The following FHAD1 variants were observed in gnomAD, a reference collection of about 807,000 sequenced individuals.
FHAD1 encodes the protein forkhead-associated domain-containing protein 1.
In FHAD1, 146 loss-of-function variants were observed where a neutral mutation model predicts 191.3. The observed-to-expected ratio is 0.76, with a 90% CI of 0.67 to 0.88. The LOEUF is 0.88. Ranked by LOEUF, FHAD1 falls within the 40% of genes least tolerant of loss-of-function variation. FHAD1 has a pLI of 0.00. For synonymous variants in FHAD1, 616 were observed against 672.3 expected (o/e 0.92, Z 1.29); for missense variants, 1,635 against 1,785.8 (o/e 0.92, Z 1.52).
intron 14 of FHAD1, among the ~76,000 whole-genome samples, chr1:15,337,412 C>T (rs548263341): frequency 3.9e-5 from 6 of 152,178 alleles, no homozygotes; most frequent in Non-Finnish European, 5.9e-5. Flanking sequence ...TCACTTCTCC[C>T]ACCCTCAGTT....
At chr1:15,277,254 G>GTGCCCATA (rs1658736531) in intron 3 of FHAD1, among the ~76,000 whole-genome samples, 1 of 152,202 alleles carries the variant, frequency 6.6e-6, no homozygotes, top group African/African-American at 2.4e-5. Flanking sequence ...AACATAAAGA[G>GTGCCCATA]TGCCCATATG....
rs1462821736 is a variant in FHAD1 at position 15,358,092 on chromosome 1, A to T, written c.2563-18A>T. 1 of 1,485,176 alleles carries T rather than the reference A, an allele frequency of 6.7e-7. No homozygotes were observed. Among genetic ancestry groups the T allele is most frequent in the East Asian group, 2.5e-5 (1 of 39,794 alleles). 92.0% of individuals were successfully genotyped at this position (1,485,176 alleles called of 1,614,324 possible). A position where few individuals can be genotyped will look rare whatever the true frequency, so the allele number is the denominator to read the frequency against. On this transcript the variant is annotated intron_variant, in intron 20 of 33. Coordinates refer to ENST00000688493, the MANE Select transcript of FHAD1 (RefSeq NM_001391957.1). Reference sequence around the variant, plus strand: ...ATTCCTGAATGTCTGTTATTTTGCTACTTGTTTTTTTGTCTAGGAATTAGA... The same window carrying T: ...ATTCCTGAATGTCTGTTATTTTGCTTCTTGTTTTTTTGTCTAGGAATTAGA...
At chr1:15,308,218 G>A (rs1480259156) in intron 6 of FHAD1, among the ~76,000 whole-genome samples, 2 of 152,226 alleles carry the variant, frequency 1.3e-5, no homozygotes, top group African/African-American at 4.8e-5. Context: ...TCATTTGAGG[G>A]AATTAATTTT....
intron 8 of FHAD1, chr1:15,314,990 G>A (rs890691273): frequency 3.3e-5 from 5 of 151,834 alleles, no homozygotes; most frequent in Admixed American, 1.3e-4. Flanking sequence ...TTCTGCCCAC[G>A]AAGTGCATTT....
In FHAD1 at chr1:15,313,108, A is replaced by G; in HGVS notation, c.1091A>G (p.Gln364Arg). The change falls in exon 8 of 34, where the codon CAA (glutamine) becomes CGA (arginine). Residue 364 changes from glutamine (Q) to arginine (R), a missense_variant. Coordinates refer to ENST00000688493, the MANE Select transcript of FHAD1 (RefSeq NM_001391957.1). ...ATATTAGCAAAGGATGAGCAAGTTC[A>G]ACAACTAAAGGAAGAGGTCAGTCAC... ...KDILAKDEQVQQLKEEVSHLK... is the reference protein window; with the variant it reads ...KDILAKDEQVRQLKEEVSHLK... The G allele has an allele frequency of 6.4e-7, 1 of 1,551,842 alleles. No individual in the cohort carries two copies. The highest frequency in any genetic ancestry group is 8.7e-7 in the Non-Finnish European group (1 of 1,147,014).
chr1:15,388,433 A>G (rs1396467261), intron 32 of FHAD1: 1 of 1,185,616 alleles, frequency 8.4e-7, no homozygotes, highest in African/African-American at 1.8e-5. Flanking sequence ...GTGAGAAGGC[A>G]GAGGGGATAT....
Position 15,381,421 on chromosome 1 carries a change from G to A in FHAD1, c.3992G>A (p.Arg1331Lys). 1 of 1,551,652 alleles carries A rather than the reference G, an allele frequency of 6.4e-7. No homozygotes were observed. Among genetic ancestry groups the A allele is most frequent in the Non-Finnish European group, 8.7e-7 (1 of 1,146,994 alleles). Residue 1331 changes from arginine (R) to lysine (K), a missense_variant, in exon 30 of 34, where the codon AGA (arginine) becomes AAA (lysine). Transcript: ENST00000688493. This position sits in a 1 kb window ranked among gnomAD's most constrained non-coding sequence, Gnocchi z 4.6. The stretch of plus-strand genomic sequence containing the variant: ...CTGGGGAGGAAAGAGGAGCTGTTGA[G>A]AGGATATGAAAAGGACGTTGAACAG... ...NQLGRKEELL[R>K]GYEKDVEQLR...
chr1:15,388,167 A>T, intron 32 of FHAD1, 36 bp downstream of exon 32: 1 of 1,222,226 alleles, frequency 8.2e-7, no homozygotes, highest in Non-Finnish European at 1.1e-6. Flanking sequence ...GACACAGAGT[A>T]GAGACAGTCT....
At chr1:15,258,746 C>T (rs898990820) in intron 2 of FHAD1, among the ~76,000 whole-genome samples, 3 of 77,198 alleles carry the variant, frequency 3.9e-5, no homozygotes, top group African/African-American at 7.8e-5. Flanking sequence ...CCACCACGCC[C>T]GGCTAATTTT....
chr1:15,369,268 G>A lies in FHAD1; in HGVS notation c.3315-102G>A, dbSNP rs900640051. 155 of 1,301,646 alleles carry A rather than the reference G, an allele frequency of 1.2e-4. No individual in the cohort carries two copies. The Middle Eastern group carries it at 1.5e-3, about 13-fold the overall frequency. 80.6% of individuals were successfully genotyped at this position (1,301,646 alleles called of 1,614,324 possible). On this transcript the variant is annotated intron_variant, in intron 25 of 33. Coordinates refer to ENST00000688493, the MANE Select transcript of FHAD1 (RefSeq NM_001391957.1). Reference sequence around the variant, plus strand: ...AGGAAACAAGTCTCAAAAGAATTCTGTTTCCTATAAAAATAGAGCTCCATG... The same window carrying A: ...AGGAAACAAGTCTCAAAAGAATTCTATTTCCTATAAAAATAGAGCTCCATG...
chr1:15,313,520 T>C (rs960991585), intron 8 of FHAD1, among the ~76,000 whole-genome samples: 3 of 152,242 alleles, frequency 2.0e-5, no homozygotes, highest in Admixed American at 6.5e-5. Flanking sequence ...ATTCCAGCAG[T>C]AAATGCACCT....
chr1:15,390,484 G>A (rs945236470), intron 32 of FHAD1, among the ~76,000 whole-genome samples: 7 of 152,006 alleles, frequency 4.6e-5, no homozygotes, highest in South Asian at 2.1e-4. Flanking sequence ...AAAGGACCCC[G>A]GCCCCTGGGT....
chr1:15,254,785 T>C (rs539245359), intron 2 of FHAD1, among the ~76,000 whole-genome samples: 1 of 152,338 alleles, frequency 6.6e-6, no homozygotes, highest in South Asian at 2.1e-4. Context: ...GTGAATAGAC[T>C]TTTAATGGGC....
chr1:15,236,694 T>G (rs1227894095), exon 1 of FHAD1, among the ~76,000 whole-genome samples: 1 of 152,222 alleles, frequency 6.6e-6, no homozygotes, highest in Non-Finnish European at 1.5e-5. Flanking sequence ...TCAAAAGTAT[T>G]GCTGAGGAGC....
intron 6 of FHAD1, among the ~76,000 whole-genome samples, chr1:15,301,998 G>A (rs1371367790): frequency 1.3e-5 from 2 of 152,162 alleles, no homozygotes; most frequent in Non-Finnish European, 2.9e-5. Context: ...CTGGGTGACA[G>A]AGTGAGACCC....
At chr1:15,348,962 A>G (rs1172870628) in intron 18 of FHAD1, 80 bp from the exon 19 acceptor site, 2 of 886,366 alleles carry the variant, frequency 2.3e-6, no homozygotes, top group Admixed American at 2.5e-5. Context: ...TACTATTATT[A>G]TTATTATTAT....
intron 3 of FHAD1, chr1:15,287,273 A>G (rs1353661782): frequency 6.6e-6 from 1 of 152,294 alleles, no homozygotes; most frequent in Non-Finnish European, 1.5e-5. Context: ...CAAGTGGGCC[A>G]GTGTCATTTG....
At chr1:15,314,590 C>T (rs1239522515) in intron 8 of FHAD1, 4 of 148,484 alleles carry the variant, frequency 2.7e-5, no homozygotes, top group Non-Finnish European at 5.9e-5. Context: ...TGTGTTGTCG[C>T]CCTTTCAGGT....
At chr1:15,239,835 G>T (rs1006748100) in intron 1 of FHAD1, among the ~76,000 whole-genome samples, 1 of 152,204 alleles carries the variant, frequency 6.6e-6, no homozygotes, top group African/African-American at 2.4e-5. Context: ...CTGCTGGGGG[G>T]TGTAGATTGG....
Sources: gnomAD v4.1 joint callset for allele counts (sites outside exome capture counted in the v4.1 genomes callset) on GRCh38, gnomAD v4.1.1 for gene constraint, Gnocchi (gnomAD v3.1) non-coding constraint, MANE v1.5 for transcripts, NCBI Gene and HGNC (gene_info 2026-07-23, HGNC 2026-07-21) for gene names.